PICALM: variants seen among roughly 807,000 people sequenced by gnomAD.
PICALM encodes the protein phosphatidylinositol-binding clathrin assembly protein.
PICALM carries 40 observed loss-of-function variants against 80.5 expected under a neutral mutation model. The observed-to-expected ratio is 0.50, with a 90% CI of 0.39 to 0.65. The LOEUF (loss-of-function observed/expected upper bound fraction) is 0.65, where lower values mean the gene tolerates loss of function less well. Among genes scored for constraint, PICALM ranks in the 30% least tolerant of loss-of-function variants. PICALM has a pLI of 0.00. For missense variants in PICALM, 676 were observed against 778.9 expected (o/e 0.87, Z 1.57); for synonymous variants, 288 against 260.3 (o/e 1.11, Z -1.02).
chr11:86,059,015 AAAC>A (rs2096312968), intron 1 of PICALM, among the ~76,000 whole-genome samples: 1 of 152,238 alleles, frequency 6.6e-6, no homozygotes. Context: ...CCTTGTATCT[AAAC>A]AAAACTAAAT....
At chr11:86,009,155 T>A (rs1468928945) in intron 7 of PICALM, among the ~76,000 whole-genome samples, 2 of 150,390 alleles carry the variant, frequency 1.3e-5, no homozygotes, top group African/African-American at 4.9e-5. Flanking sequence ...TAGCTGGGCG[T>A]GGTGGCGGGC....
At chr11:85,975,409 T>C (rs1465798610) in intron 18 of PICALM, among the ~76,000 whole-genome samples, 1 of 152,128 alleles carries the variant, frequency 6.6e-6, no homozygotes, top group East Asian at 1.9e-4. Context: ...CTACAGGGTA[T>C]AAAATTAACC....
rs190546023 is a variant in PICALM at position 86,063,961 on chromosome 11, A to G, written c.130+4690T>C. On this transcript the variant is annotated intron_variant, in intron 1 of 19. Transcript: ENST00000393346. ...TCTACTTTATTTCTTCCTTACATGC[A>G]TCTTCTTAGAAATCACATCCTAGTT... Among the ~76,000 whole-genome samples the G allele has an allele frequency of 8.5e-5, 13 of 152,256 alleles. No individual in the cohort carries two copies. The East Asian group carries it at 2.3e-3, about 27-fold the overall frequency.
intron 7 of PICALM, among the ~76,000 whole-genome samples, chr11:86,008,952 C>CAAAAAAAAAAAAAAAAAAAAAAAAGA (rs59740555): frequency 1.6e-5 from 1 of 62,848 alleles, no homozygotes; most frequent in African/African-American, 6.1e-5. Context: ...AAAAAAAAGC[C>CAAAAAAAAAAAAAAAAAAAAAAAAGA]AAAAAAAAAA....
chr11:86,015,801 T>C (rs890941181), intron 4 of PICALM, among the ~76,000 whole-genome samples: 9 of 152,208 alleles, frequency 5.9e-5, no homozygotes, highest in African/African-American at 1.9e-4. Flanking sequence ...TTCCAAAAAA[T>C]ATGTCAGGTT....
At chr11:85,979,799 G>A (rs572561054) in intron 17 of PICALM, among the ~76,000 whole-genome samples, 2 of 152,260 alleles carry the variant, frequency 1.3e-5, no homozygotes, top group South Asian at 2.1e-4. Flanking sequence ...CGTGTAGCCC[G>A]TGTAATCAAA....
chr11:86,002,378 T>C (rs999382009), intron 9 of PICALM, among the ~76,000 whole-genome samples: 3 of 152,210 alleles, frequency 2.0e-5, no homozygotes, highest in Non-Finnish European at 4.4e-5. Flanking sequence ...GTTCTCACTA[T>C]ACAAATTCTT....
At chr11:86,069,186 C>T (rs1012040346), upstream of PICALM, 2 of 195,684 alleles carry the variant, frequency 1.0e-5, no homozygotes, top group African/African-American at 2.3e-5. Context: ...TCCCTTTCCT[C>T]TTCGACGCCC....
At chr11:86,064,989 G>A (rs2096423151) in intron 1 of PICALM, among the ~76,000 whole-genome samples, 1 of 152,032 alleles carries the variant, frequency 6.6e-6, no homozygotes, top group African/African-American at 2.4e-5. Context: ...GACTGATGTG[G>A]GAGGATTTCT....
chr11:86,028,284 G>A (rs1482377433), intron 2 of PICALM, among the ~76,000 whole-genome samples: 2 of 152,160 alleles, frequency 1.3e-5, no homozygotes, highest in African/African-American at 4.8e-5. Context: ...GCGGTAACCT[G>A]AAATGGATTA....
Position 86,037,007 on chromosome 11 carries a change from G to A in PICALM, c.131-5396C>T, listed in dbSNP as rs557034868. ...CTGTAGCCAGGCTGGAGTGCATGGC[G>A]TGATCTCGGCTCACTGCAACCTCCG... On this transcript the variant is annotated intron_variant, in intron 1 of 19. Transcript: ENST00000393346. Among the ~76,000 whole-genome samples the A allele has an allele frequency of 8.6e-5, 13 of 151,348 alleles. 1 individual carries two copies. The South Asian group carries it at 2.3e-3, about 27-fold the overall frequency.
intron 3 of PICALM, among the ~76,000 whole-genome samples, chr11:86,023,241 C>T (rs1365997579): frequency 6.6e-6 from 1 of 152,126 alleles, no homozygotes; most frequent in Non-Finnish European, 1.5e-5. Context: ...ATTACTTGGT[C>T]TTTGCTACCT....
At chr11:85,960,724 CT>C (rs2093660225) in intron 19 of PICALM, 1 of 1,319,740 alleles carries the variant, frequency 7.6e-7, no homozygotes. Flanking sequence ...CAAAGGGGTC[CT>C]TTCCTGAAGC....
Position 86,009,607 on chromosome 11 carries a change from G to A in PICALM, c.765+1423C>T, listed in dbSNP as rs909091953. 4.6e-5 allele frequency among the ~76,000 whole-genome samples: 7 copies of A among 152,270 alleles called. 1 individual carries two copies. The South Asian group carries it at 8.3e-4, about 18-fold the overall frequency. ...CTCGGGAGGCTGAGACAGCAGAATC[G>A]CTTGAACCCAGGAGGTGGAGGTTGC... On this transcript the variant is annotated intron_variant, in intron 7 of 19. Coordinates refer to ENST00000393346, the MANE Select transcript of PICALM (RefSeq NM_007166.4).
chr11:85,980,875 G>T (rs2094422347), intron 17 of PICALM, among the ~76,000 whole-genome samples: 1 of 151,938 alleles, frequency 6.6e-6, no homozygotes, highest in Non-Finnish European at 1.5e-5. Context: ...ATTAATAGGA[G>T]GATTATAAAA....
chr11:86,048,837 C>CA (rs36076234), intron 1 of PICALM, among the ~76,000 whole-genome samples: 1,204 of 101,748 alleles, frequency 0.012, 13 homozygotes, highest in African/African-American at 0.021. Flanking sequence ...AACTCCGTCT[C>CA]AAAAAAAAAA....
chr11:86,047,420 A>G (rs1364986198), intron 1 of PICALM, among the ~76,000 whole-genome samples: 2 of 152,266 alleles, frequency 1.3e-5, no homozygotes, highest in South Asian at 4.1e-4. Flanking sequence ...ACAAGTTGCG[A>G]AAGTTCTGGG....
Position 86,068,956 on chromosome 11 carries a change from C to T in PICALM, c.-176G>A, listed in dbSNP as rs1230139921. The T allele has an allele frequency of 1.3e-6, 1 of 755,582 alleles. No homozygotes were observed. The allele number at this position is 755,582 out of a possible 1,614,324, so 46.8% of individuals were successfully genotyped here. A position where few individuals can be genotyped will look rare whatever the true frequency, so the allele number is the denominator to read the frequency against. ...CTGCCACCAGTCCAGAGAGAACCGG[C>T]TCGTGTCACCCGCGGAGTCGGACAA... is the stretch of plus-strand genomic sequence containing the variant. On this transcript the variant is annotated 5_prime_UTR_variant, in exon 1 of 20. Transcript: ENST00000393346.
rs147642175 is a variant in PICALM, at chr11:86,052,203, G to T, written c.130+16448C>A. On this transcript the variant is annotated intron_variant, in intron 1 of 19. Transcript: ENST00000393346. ...GAGTGAGTTCTCATGAGATCTGATG[G>T]TTTTATAAGGGGCACTTCTCTCTCC... is the stretch of plus-strand genomic sequence containing the variant. Among the ~76,000 whole-genome samples, 1,048 of 152,226 alleles carry T rather than the reference G, an allele frequency of 6.9e-3. 6 individuals carry two copies. The highest frequency in any genetic ancestry group is 0.016 in the South Asian group (75 of 4,828).
Sources: gnomAD v4.1 joint callset for allele counts (sites outside exome capture counted in the v4.1 genomes callset) on GRCh38, gnomAD v4.1.1 for gene constraint, MANE v1.5 for transcripts, NCBI Gene and HGNC (gene_info 2026-07-23, HGNC 2026-07-21) for gene names.